Variants in PRKN observed in about 807,000 individuals in gnomAD.
PRKN encodes the protein parkin RBR E3 ubiquitin protein ligase, also known as E3 ubiquitin-protein ligase parkin.
In PRKN, 56 loss-of-function variants were observed where a neutral mutation model predicts 59.5. The observed-to-expected ratio is 0.94, with a 90% confidence interval of 0.76 to 1.18. The LOEUF is 1.18. PRKN is among the 50% of genes most tolerant of loss of function. PRKN has a pLI of 0.00. For synonymous variants in PRKN, 250 were observed against 222.1 expected, an observed-to-expected ratio of 1.13 and a Z score of -1.12; for missense variants, 657 against 596.4, an observed-to-expected ratio of 1.10 and a Z score of -1.06.
rs940551528 is a variant in PRKN at position 161,529,232 on chromosome 6, G to C, written c.1083+19622C>G. ...TATCTGATTTGATGAGTGATTGCTGGAAGTGGATGCCTTAGGGAAGGTGAG... is the reference window on the plus strand; with the variant it reads ...TATCTGATTTGATGAGTGATTGCTGCAAGTGGATGCCTTAGGGAAGGTGAG... On this transcript the variant is annotated intron_variant, in intron 9 of 11. Transcript: ENST00000366898. This position sits in a 1 kb window ranked among gnomAD's most constrained non-coding sequence, Gnocchi z 4.4. 1.3e-5 allele frequency among the ~76,000 whole-genome samples: 2 copies of C among 152,154 alleles called. No homozygotes were observed. The highest frequency in any genetic ancestry group is 2.9e-5 in the Non-Finnish European group (2 of 68,026).
chr6:162,191,633 G>A (rs1157627934), intron 4 of PRKN, among the ~76,000 whole-genome samples: 1 of 152,114 alleles, frequency 6.6e-6, no homozygotes, highest in Non-Finnish European at 1.5e-5. Flanking sequence ...AGTAGAGACA[G>A]GTTTTCACCA....
intron 6 of PRKN, among the ~76,000 whole-genome samples, chr6:161,874,300 G>A (rs1462850387): frequency 8.6e-5 from 3 of 34,984 alleles, no homozygotes; most frequent in East Asian, 9.4e-4. Context: ...TATATTACAT[G>A]TAAAATATTA....
At chr6:161,737,407 G>C (rs796423415) in intron 7 of PRKN, among the ~76,000 whole-genome samples, 5 of 152,298 alleles carry the variant, frequency 3.3e-5, no homozygotes, top group African/African-American at 1.2e-4. Context: ...GGAGAGGGGA[G>C]AACAATCTGA....
chr6:162,610,945 A>G (rs1782121191), intron 1 of PRKN, among the ~76,000 whole-genome samples: 1 of 152,204 alleles, frequency 6.6e-6, no homozygotes, highest in Non-Finnish European at 1.5e-5. Flanking sequence ...CATCCTACAT[A>G]AGTATAATGA....
At chr6:162,635,582 TTTC>T (rs1777677087) in intron 1 of PRKN, among the ~76,000 whole-genome samples, 1 of 111,124 alleles carries the variant, frequency 9.0e-6, no homozygotes, top group African/African-American at 4.1e-5. Context: ...GTTATTAAGT[TTTC>T]TTATTTTATT....
intron 7 of PRKN, among the ~76,000 whole-genome samples, chr6:161,638,096 C>T (rs1027033608): frequency 6.6e-6 from 1 of 152,036 alleles, no homozygotes; most frequent in African/African-American, 2.4e-5. Flanking sequence ...AAAACTTTAC[C>T]TTTGCACAGA....
intron 6 of PRKN, among the ~76,000 whole-genome samples, chr6:161,965,683 C>T (rs1485940709): frequency 1.3e-5 from 2 of 152,154 alleles, no homozygotes; most frequent in East Asian, 3.9e-4. Flanking sequence ...CAATCAAACA[C>T]ATTTAAGAAA....
intron 2 of PRKN, among the ~76,000 whole-genome samples, chr6:162,293,560 T>A (rs114067512): frequency 6.6e-6 from 1 of 152,082 alleles, no homozygotes; most frequent in Non-Finnish European, 1.5e-5. Context: ...AGCTGTCCCA[T>A]TGGGGGGCCC....
At position 161,582,528 on chromosome 6, in the gene PRKN, G is replaced by A. The variant is rs565962141; in HGVS notation, c.872-13112C>T. 8.7e-3 allele frequency among the ~76,000 whole-genome samples: 1,317 copies of A among 151,862 alleles called. 21 individuals carry two copies. The highest frequency in any genetic ancestry group is 0.03 in the African/African-American group (1,257 of 41,392). On this transcript the variant is annotated intron_variant, in intron 7 of 11. Coordinates refer to ENST00000366898, the MANE Select transcript of PRKN (RefSeq NM_004562.3). The surrounding 1 kb of genome is among the most constrained non-coding windows in gnomAD (Gnocchi z 4.4). ...TGCAAGCTCCGCCTCCCAGGTTCAC[G>A]CCATTCTCCTGCCTCAGCCTCCCAA...
At chr6:162,393,026 C>T (rs142494351) in intron 2 of PRKN, among the ~76,000 whole-genome samples, 29 of 152,138 alleles carry the variant, frequency 1.9e-4, no homozygotes, top group African/African-American at 4.8e-4. Flanking sequence ...TCAAGCTCTG[C>T]GCATCTCACA....
At chr6:162,507,153 C>T (rs1346358034) in intron 1 of PRKN, among the ~76,000 whole-genome samples, 2 of 152,142 alleles carry the variant, frequency 1.3e-5, no homozygotes, top group Non-Finnish European at 2.9e-5. Context: ...CCATCCATTC[C>T]TCTTTCCCCT....
intron 7 of PRKN, among the ~76,000 whole-genome samples, chr6:161,735,901 C>T (rs552071243): frequency 2.6e-5 from 4 of 151,636 alleles, no homozygotes; most frequent in East Asian, 1.9e-4. Flanking sequence ...GGCAACAGAG[C>T]GAGACTCTGT....
chr6:161,512,940 T>C (rs1778447687), intron 9 of PRKN, among the ~76,000 whole-genome samples: 1 of 152,218 alleles, frequency 6.6e-6, no homozygotes, highest in Non-Finnish European at 1.5e-5. Flanking sequence ...GTTTCATCAA[T>C]ACTGCTAGGT....
rs772622421 is a variant in PRKN, at chr6:161,785,830, T to C, written c.813A>G (p.Arg271=). ...CGTGAACAAACTGCCGATCATTGAG[T>C]CTTGTCACACAGTATAAGTGGAAAC... ...LDCFHLYCVT[R]LNDRQFVHDP... Residue 271 remains arginine (R), a synonymous_variant, in exon 7 of 12, where the codon AGA becomes AGG. Coordinates refer to ENST00000366898, the MANE Select transcript of PRKN (RefSeq NM_004562.3). The C allele has an allele frequency of 5.6e-6, 9 of 1,614,002 alleles. No individual in the cohort carries two copies. The Admixed American group carries it at 1.5e-4, about 27-fold the overall frequency.
intron 7 of PRKN, among the ~76,000 whole-genome samples, chr6:161,710,180 A>G (rs1786678735): frequency 6.6e-6 from 1 of 152,006 alleles, no homozygotes. Flanking sequence ...CAATTGTTCA[A>G]TTCCTTCATC....
At chr6:161,753,503 A>G (rs1024954703) in intron 7 of PRKN, among the ~76,000 whole-genome samples, 48 of 152,348 alleles carry the variant, frequency 3.2e-4, no homozygotes, top group African/African-American at 1.2e-3. Context: ...AGTACGAAGA[A>G]GGATAAAAAA....
chr6:162,353,480 T>A (rs563856726), intron 2 of PRKN, among the ~76,000 whole-genome samples: 6 of 152,232 alleles, frequency 3.9e-5, no homozygotes, highest in African/African-American at 1.4e-4. Context: ...AAATGTTAAA[T>A]TTTAAAAACT....
chr6:162,196,421 A>G (rs1186890866), intron 4 of PRKN, among the ~76,000 whole-genome samples: 1 of 152,244 alleles, frequency 6.6e-6, no homozygotes. Context: ...AAATATGCAC[A>G]TATAAAACAA....
intron 9 of PRKN, among the ~76,000 whole-genome samples, chr6:161,486,408 T>C (rs974570857): frequency 1.3e-5 from 2 of 152,208 alleles, no homozygotes; most frequent in African/African-American, 4.8e-5. Flanking sequence ...AAAATGAAAT[T>C]TGAAGTCAGA....
Sources: gnomAD v4.1 joint callset for allele counts (sites outside exome capture counted in the v4.1 genomes callset) on GRCh38, gnomAD v4.1.1 for gene constraint, Gnocchi (gnomAD v3.1) non-coding constraint, MANE v1.5 for transcripts, NCBI Gene and HGNC (gene_info 2026-07-23, HGNC 2026-07-21) for gene names.